Variants in NT5DC2 observed in about 807,000 individuals in gnomAD.
NT5DC2 encodes the protein 5'-nucleotidase domain-containing protein 2.
In NT5DC2, 41 loss-of-function variants were observed where a neutral mutation model predicts 70.0. That is an observed-to-expected ratio of 0.59 (90% CI 0.46 to 0.76). The LOEUF (loss-of-function observed/expected upper bound fraction) is 0.76. Among genes scored for constraint, NT5DC2 ranks in the 30% least tolerant of loss-of-function variants. The pLI is 0.00. For missense variants in NT5DC2, 705 were observed against 783.2 expected (o/e 0.90, Z 1.19); for synonymous variants, 299 against 310.4 (o/e 0.96, Z 0.39).
rs1259139236 is a variant in NT5DC2, at chr3:52,525,041, G to A, written c.1269C>T (p.Ile423=). 1 of 1,604,264 alleles carries A rather than the reference G, an allele frequency of 6.2e-7. No homozygotes were observed. Among genetic ancestry groups the A allele is most frequent in the Non-Finnish European group, 8.5e-7 (1 of 1,176,250 alleles). Residue 423 remains isoleucine, a synonymous_variant, in exon 12 of 14, where the codon ATC becomes ATT. Transcript: ENST00000422318. ...GAIIPELERE[I]RIINTEQYMH... ...TGTACTGCTCCGTGTTGATGATGCG[G>A]ATCTCACGCTCCAGCTCGGGGATGA...
chr3:52,532,241 G>A lies in NT5DC2; in HGVS notation c.232+1265C>T, dbSNP rs576505380. 58 of 985,438 alleles carry A rather than the reference G, an allele frequency of 5.9e-5. 1 individual carries two copies. The highest frequency in any genetic ancestry group is 6.1e-5 in the Non-Finnish European group (51 of 829,966). The allele number at this position is 985,438 out of a possible 1,614,324, so 61.0% of individuals were successfully genotyped here. A position where few individuals can be genotyped will look rare whatever the true frequency, so the allele number is the denominator to read the frequency against. ...AGGGCTGTGAGGCTCCAAAGATGCA[G>A]GCAGGCCCAGGAGGACAATGTCCAG... On this transcript the variant is annotated intron_variant, in intron 1 of 13. Coordinates refer to ENST00000422318, the MANE Select transcript of NT5DC2 (RefSeq NM_001134231.2).
rs1174069628 is a variant in NT5DC2 at position 52,533,581 on chromosome 3, G to C, written c.157C>G (p.Gln53Glu). 1 of 1,298,526 alleles carries C rather than the reference G, an allele frequency of 7.7e-7. No homozygotes were observed. The highest frequency in any genetic ancestry group is 1.5e-5 in the African/African-American group (1 of 64,574). The allele number at this position is 1,298,526 out of a possible 1,614,324, so 80.4% of individuals were successfully genotyped here. Reference sequence around the variant, plus strand: ...AGGTCGGCGCCGCTGGTGGGTGCCTGGGCGGGCGCGGAGCGCGGGACGCCG... The same window carrying C: ...AGGTCGGCGCCGCTGGTGGGTGCCTCGGCGGGCGCGGAGCGCGGGACGCCG... ...CPGVPRSAPAQAPTSGADLSA... is the reference protein window; with the variant it reads ...CPGVPRSAPAEAPTSGADLSA... The change falls in exon 1 of 14, where the codon CAG becomes GAG. Residue 53 changes from glutamine to glutamate, a missense_variant. Coordinates refer to ENST00000422318, the MANE Select transcript of NT5DC2 (RefSeq NM_001134231.2).
rs766614377 is a variant in NT5DC2 at position 52,528,142 on chromosome 3, T to TA, written c.771+40dup. The TA allele has an allele frequency of 1.3e-5, 21 of 1,612,828 alleles. No homozygotes were observed. The South Asian group carries it at 1.8e-4, about 13-fold the overall frequency. ...GGGGCTGTCCCACTGTGGCTGGACTTAGTCTTTCCTGCCATCCGAGGGCAG... is the reference window on the plus strand; with the variant it reads ...GGGGCTGTCCCACTGTGGCTGGACTTAAGTCTTTCCTGCCATCCGAGGGCAG... On this transcript the variant is annotated intron_variant, in intron 6 of 13. Coordinates refer to ENST00000422318, the MANE Select transcript of NT5DC2 (RefSeq NM_001134231.2).
At chr3:52,527,510 C>T in intron 9 of NT5DC2, 107 bp downstream of exon 9, 1 of 1,461,720 alleles carries the variant, frequency 6.8e-7, no homozygotes, top group East Asian at 2.3e-5. Flanking sequence ...ACCCCAAGCA[C>T]ATTGGGCAGT....
At position 52,533,665 on chromosome 3, in the gene NT5DC2, C is replaced by A; in HGVS notation, c.73G>T (p.Ala25Ser). The change falls in exon 1 of 14, where the codon GCC becomes TCC. Residue 25 changes from alanine to serine, a missense_variant. By Grantham distance (99) the Ala-to-Ser change is moderately conservative. Coordinates refer to ENST00000422318, the MANE Select transcript of NT5DC2 (RefSeq NM_001134231.2). ...CCAGGGCAGGAGGGCGAGGACGAGG[C>A]GGCTCGCGGCCCGCCGTGGCCTCCG... Reference protein sequence around the residue: ...LCGGHGGPRAASSSPSCPGCG... With the variant: ...LCGGHGGPRASSSSPSCPGCG... 2 of 1,147,676 alleles carry A rather than the reference C, an allele frequency of 1.7e-6. No homozygotes were observed. The highest frequency in any genetic ancestry group is 2.1e-6 in the Non-Finnish European group (2 of 934,796). The allele number at this position is 1,147,676 out of a possible 1,614,324, so 71.1% of individuals were successfully genotyped here.
upstream of NT5DC2, chr3:52,534,700 G>T (rs752693081): frequency 2.5e-6 from 4 of 1,569,116 alleles, no homozygotes; most frequent in Admixed American, 6.9e-5. Flanking sequence ...ATACCAGGCT[G>T]TGCTCAGGGT....
Position 52,528,490 on chromosome 3 carries a change from T to C in NT5DC2, c.598A>G (p.Thr200Ala). The stretch of plus-strand genomic sequence containing the variant: ...ATCTGGTATAGTGGGATGTGCTGGG[T>C]ACCCCCATACAGCTCAATCACCTCC... ...DEEVIELYGG[T>A]QHIPLYQMSG... Residue 200 changes from threonine to alanine, a missense_variant, in exon 5 of 14, where the codon ACC becomes GCC. Coordinates refer to ENST00000422318, the MANE Select transcript of NT5DC2 (RefSeq NM_001134231.2). 1 of 1,613,170 alleles carries C rather than the reference T, an allele frequency of 6.2e-7. No homozygotes were observed. Among genetic ancestry groups the C allele is most frequent in the Non-Finnish European group, 8.5e-7 (1 of 1,179,988 alleles).
At position 52,528,128 on chromosome 3, in the gene NT5DC2, A is replaced by G. The variant is rs923671031; in HGVS notation, c.771+55T>C. 5 of 1,612,822 alleles carry G rather than the reference A, an allele frequency of 3.1e-6. No individual in the cohort carries two copies. The East Asian group carries it at 8.9e-5, about 29-fold the overall frequency. Reference sequence around the variant, plus strand: ...AGCAGGGCCCAGGTGGGGCTGTCCCACTGTGGCTGGACTTAGTCTTTCCTG... The same window carrying G: ...AGCAGGGCCCAGGTGGGGCTGTCCCGCTGTGGCTGGACTTAGTCTTTCCTG... On this transcript the variant is annotated intron_variant, in intron 6 of 13. Coordinates refer to ENST00000422318, the MANE Select transcript of NT5DC2 (RefSeq NM_001134231.2).
chr3:52,533,809 C>T lies in NT5DC2; in HGVS notation c.-72G>A. 1 of 978,448 alleles carries T rather than the reference C, an allele frequency of 1.0e-6. No individual in the cohort carries two copies. Among genetic ancestry groups the T allele is most frequent in the South Asian group, 4.6e-5 (1 of 21,944 alleles). 60.6% of individuals were successfully genotyped at this position (978,448 alleles called of 1,614,324 possible). ...CCGCCCGCCGCCCGCCGCCCTCCGA[C>T]TGCGCGCCCGCCACGGTGGCCTCGT... On this transcript the variant is annotated 5_prime_UTR_variant, in exon 1 of 14. Transcript: ENST00000422318.
At chr3:52,532,122 C>T (rs949780547) in intron 1 of NT5DC2, 8 of 959,624 alleles carry the variant, frequency 8.3e-6, no homozygotes, top group Middle Eastern at 5.3e-4. Flanking sequence ...AAGCGGACCT[C>T]GGCGCCCAGA....
rs754256345 is a variant in NT5DC2, at chr3:52,524,885, G to A, written c.1348-4C>T. 5 of 1,612,138 alleles carry A rather than the reference G, an allele frequency of 3.1e-6. No individual in the cohort carries two copies. The South Asian group carries it at 5.5e-5, about 18-fold the overall frequency. ...TCGACTCCGCGTCCTGATAGGTCTG[G>A]GGACACAAAGTGTGCATTGGGTGTG... is the stretch of plus-strand genomic sequence containing the variant. On this transcript the variant is annotated splice_polypyrimidine_tract_variant and splice_region_variant and intron_variant, in intron 12 of 13. Coordinates refer to ENST00000422318, the MANE Select transcript of NT5DC2 (RefSeq NM_001134231.2).
At chr3:52,534,899 T>G (rs2079407858), upstream of NT5DC2, 1 of 510,206 alleles carries the variant, frequency 2.0e-6, no homozygotes, top group Non-Finnish European at 3.5e-6. Flanking sequence ...GGCCGTAGGA[T>G]GGGCTCGAGT....
In NT5DC2 at chr3:52,533,816, C is replaced by G; in HGVS notation, c.-79G>C. 3 of 980,520 alleles carry G rather than the reference C, an allele frequency of 3.1e-6. 1 individual carries two copies. In the South Asian group the frequency reaches 1.4e-4, roughly 45 times the overall value. 60.7% of individuals were successfully genotyped at this position (980,520 alleles called of 1,614,324 possible). On this transcript the variant is annotated 5_prime_UTR_variant, in exon 1 of 14. Coordinates refer to ENST00000422318, the MANE Select transcript of NT5DC2 (RefSeq NM_001134231.2). ...CCGCCCGCCGCCCTCCGACTGCGCG[C>G]CCGCCACGGTGGCCTCGTGCTCCTC...
chr3:52,525,364 C>T, intron 10 of NT5DC2, 69 bp from the exon 11 acceptor site: 4 of 1,277,364 alleles, frequency 3.1e-6, no homozygotes, highest in Non-Finnish European at 4.5e-6. Context: ...CCTCCCGAAT[C>T]CCCAGAGGCA....
At chr3:52,528,358 C>T in intron 5 of NT5DC2, 47 bp from the exon 6 acceptor site, 1 of 1,613,200 alleles carries the variant, frequency 6.2e-7, no homozygotes, top group Non-Finnish European at 8.5e-7. Context: ...ACCCCAACCC[C>T]TTCAGTGCTG....
chr3:52,534,123 G>C (rs2079399676), upstream of NT5DC2: 1 of 281,202 alleles, frequency 3.6e-6, no homozygotes, highest in African/African-American at 2.3e-5. Flanking sequence ...CCGAGGCGCC[G>C]AGAGGAGACA....
rs757390505 is a variant in NT5DC2 at position 52,525,253 on chromosome 3, G to A, written c.1162C>T (p.Pro388Ser). ...TGGTCCCCGAAGTAGAGCACGCGGG[G>A]GCCACGCCATTCCGTCAAGCGTAAG... ...DFLRLTEWRG[P>S]RVLYFGDHLY... is the part of the protein sequence containing the mutation. The change falls in exon 11 of 14, where the codon CCC becomes TCC. Residue 388 changes from proline (P) to serine (S), a missense_variant. By Grantham distance (74) the Pro-to-Ser change is moderately conservative. Transcript: ENST00000422318. 5 of 1,612,844 alleles carry A rather than the reference G, an allele frequency of 3.1e-6. No individual in the cohort carries two copies. In the Admixed American group the frequency reaches 8.3e-5, roughly 27 times the overall value.
upstream of NT5DC2, chr3:52,534,734 C>G: frequency 5.9e-6 from 9 of 1,528,984 alleles, no homozygotes; most frequent in Non-Finnish European, 7.9e-6. Context: ...ACCCAGTAGC[C>G]GTGGGCCCTG....
chr3:52,524,757 A>C (rs769821643), intron 13 of NT5DC2, 26 bp from the exon 14 acceptor site: 1 of 1,612,692 alleles, frequency 6.2e-7, no homozygotes, highest in South Asian at 1.1e-5. Context: ...CGATGCGCTC[A>C]AGGGGTGGGC....
Sources: allele counts gnomAD v4.1 joint callset, GRCh38; gene constraint gnomAD v4.1.1; transcripts MANE v1.5; gene names NCBI Gene and HGNC (gene_info 2026-07-23, HGNC 2026-07-21).